ACP2: variants seen among roughly 807,000 people sequenced by gnomAD.
ACP2 encodes the protein lysosomal acid phosphatase.
In ACP2, 35 loss-of-function variants were observed where a neutral mutation model predicts 54.7. The observed-to-expected ratio is 0.64, with a 90% confidence interval of 0.49 to 0.85. The LOEUF is 0.85. Among genes scored for constraint, ACP2 ranks in the 40% least tolerant of loss-of-function variants. ACP2 has a pLI of 0.00. For synonymous variants in ACP2, 210 were observed against 224.4 expected (o/e 0.94, Z 0.57); for missense variants, 492 against 565.0 (o/e 0.87, Z 1.31).
Position 47,243,304 on chromosome 11 carries a change from T to C in ACP2, c.790A>G (p.Ile264Val), listed in dbSNP as rs1307825272. 8.7e-6 allele frequency: 14 copies of C among 1,614,194 alleles called. No individual in the cohort carries two copies. The South Asian group carries it at 1.4e-4, about 16-fold the overall frequency. The change falls in exon 8 of 11, where the codon ATA becomes GTA. Residue 264 changes from isoleucine to valine, a missense_variant. Transcript: ENST00000672073. ...RLQGGVLLAQ[I>V]RKNLTLMATT... ...GCCATTAGGGTCAGGTTCTTCCTTA[T>C]CTGAGCCAGCAGGACTCCTGAAGGA...
Position 47,240,096 on chromosome 11 carries a change from G to A in ACP2, c.*20C>T, listed in dbSNP as rs371182236. On this transcript the variant is annotated 3_prime_UTR_variant, in exon 11 of 11. Transcript: ENST00000672073. ...AGCCCACCTCCCCTAGGAGGTGGAG[G>A]GAAGGGGGCTGAGTGGTTGTCAGGC... The A allele has an allele frequency of 6.2e-7, 1 of 1,609,544 alleles. No individual in the cohort carries two copies. Among genetic ancestry groups the A allele is most frequent in the Admixed American group, 1.7e-5 (1 of 59,634 alleles).
At chr11:47,247,751 G>T (rs751247528) in intron 2 of ACP2, 24 bp from the exon 3 acceptor site, 1 of 1,607,198 alleles carries the variant, frequency 6.2e-7, no homozygotes, top group Middle Eastern at 2.0e-4. Context: ...CAAGGGTTAA[G>T]AGGGTCTAGA....
chr11:47,240,219 G>C lies in ACP2; in HGVS notation c.1169C>G (p.Ser390Cys), dbSNP rs1368311638. Residue 390 changes from serine (S) to cysteine (C), a missense_variant, in exon 11 of 11, where the codon TCC (serine) becomes TGC (cysteine). By Grantham distance (112) the Ser-to-Cys change is moderately radical (BLOSUM62 -1). Transcript: ENST00000672073. ...CAGCACTATGAGGAGGAAGAGGATGGAGCCACATACAGCCAAGGCCACAAT... is the reference window on the plus strand; with the variant it reads ...CAGCACTATGAGGAGGAAGAGGATGCAGCCACATACAGCCAAGGCCACAAT... Reference protein sequence around the residue: ...EVIVALAVCGSILFLLIVLLL... With the variant: ...EVIVALAVCGCILFLLIVLLL... The C allele has an allele frequency of 6.2e-7, 1 of 1,600,836 alleles. No homozygotes were observed. The highest frequency in any genetic ancestry group is 1.1e-5 in the South Asian group (1 of 90,838).
At chr11:47,240,384 G>C (rs1953840911) in intron 10 of ACP2, 135 bp from the exon 11 acceptor site, 4 of 591,666 alleles carry the variant, frequency 6.8e-6, no homozygotes, top group Non-Finnish European at 1.2e-5. Flanking sequence ...TTCTAGGAGA[G>C]GGGATGTAAT....
chr11:47,239,472 A>C lies in ACP2; in HGVS notation c.*644T>G. 6.1e-6 allele frequency: 1 copy of C among 162,964 alleles called. No homozygotes were observed. The allele number at this position is 162,964 out of a possible 1,614,324, so 10.1% of individuals were successfully genotyped here. A position where few individuals can be genotyped will look rare whatever the true frequency, so the allele number is the denominator to read the frequency against. On this transcript the variant is annotated 3_prime_UTR_variant, in exon 11 of 11. Coordinates refer to ENST00000672073, the MANE Select transcript of ACP2 (RefSeq NM_001610.4). ...AGTTTCCTGATTCGTGTGACAAGCA[A>C]CTCCCTTCCCACCACTCCCTACTCC...
Position 47,243,136 on chromosome 11 carries a change from A to T in ACP2, c.856-12T>A, listed in dbSNP as rs774260002. 6.2e-7 allele frequency: 1 copy of T among 1,613,768 alleles called. No individual in the cohort carries two copies. The highest frequency in any genetic ancestry group is 8.5e-7 in the Non-Finnish European group (1 of 1,179,706). On this transcript the variant is annotated splice_polypyrimidine_tract_variant and intron_variant, in intron 8 of 10. Transcript: ENST00000672073. ...AGGGTAGTGTCGTGCTGCGGGGGAG[A>T]GGGGCTGCCCGTCAGCATTGTTCCC...
rs556368994 is a variant in ACP2, at chr11:47,240,858, C to T, written c.1139-609G>A. Among the ~76,000 whole-genome samples the T allele has an allele frequency of 8.0e-5, 12 of 150,790 alleles. No homozygotes were observed. The South Asian group carries it at 1.9e-3, about 24-fold the overall frequency. On this transcript the variant is annotated intron_variant, in intron 10 of 10. Coordinates refer to ENST00000672073, the MANE Select transcript of ACP2 (RefSeq NM_001610.4). ...AAAATTAGGAGTGACAGGTCAGTGA[C>T]GAATGTGATACAGAGAGACAAAGCA...
intron 6 of ACP2, 156 bp from the exon 7 acceptor site, chr11:47,245,023 G>T: frequency 1.5e-6 from 2 of 1,362,910 alleles, no homozygotes; most frequent in Non-Finnish European, 2.0e-6. Context: ...AGGCGGTGTG[G>T]ATGCTTCAGG....
intron 1 of ACP2, 65 bp downstream of exon 1, chr11:47,248,611 C>A: frequency 6.4e-7 from 1 of 1,560,930 alleles, no homozygotes; most frequent in East Asian, 2.4e-5. Context: ...GATCCTCGAC[C>A]TCCACCAGCT....
chr11:47,245,548 A>T lies in ACP2; in HGVS notation c.475T>A (p.Cys159Ser), dbSNP rs942975772. 8 of 1,614,088 alleles carry T rather than the reference A, an allele frequency of 5.0e-6. No individual in the cohort carries two copies. In the African/African-American group the frequency reaches 9.3e-5, roughly 19 times the overall value. The change falls in exon 5 of 11, where the codon TGT (cysteine) becomes AGT (serine). Residue 159 changes from cysteine to serine, a missense_variant. Cys to Ser is a moderately radical substitution (Grantham distance 112, BLOSUM62 -1). Coordinates refer to ENST00000672073, the MANE Select transcript of ACP2 (RefSeq NM_001610.4). ...DRLLKFPLGPCPRYEQLQNET... is the reference protein window; with the variant it reads ...DRLLKFPLGPSPRYEQLQNET... Reference sequence around the variant, plus strand: ...TTCTGCAGCTGCTCATAACGGGGACATGGGCCCAACGGGAACTTCAGCAGC... The same window carrying T: ...TTCTGCAGCTGCTCATAACGGGGACTTGGGCCCAACGGGAACTTCAGCAGC...
Position 47,244,760 on chromosome 11 carries a change from C to T in ACP2, c.747G>A (p.Gln249=). Residue 249 remains glutamine (Q), a synonymous_variant, in exon 7 of 11, where the codon CAG becomes CAA. Coordinates refer to ENST00000672073, the MANE Select transcript of ACP2 (RefSeq NM_001610.4). ...CCCCCTGAAGCCGGGCCTTCTCCGCCTGCTGGTAGATTCCGAAGAGGAAGC... is the reference window on the plus strand; with the variant it reads ...CCCCCTGAAGCCGGGCCTTCTCCGCTTGCTGGTAGATTCCGAAGAGGAAGC... ...SFRFLFGIYQ[Q]AEKARLQGGV... is the part of the protein sequence containing the mutation. 6.2e-7 allele frequency: 1 copy of T among 1,610,954 alleles called. No homozygotes were observed. The highest frequency in any genetic ancestry group is 1.7e-4 in the Middle Eastern group (1 of 6,050).
rs753530705 is a variant in ACP2, at chr11:47,248,780, T to C, written c.10A>G (p.Lys4Glu). Residue 4 changes from lysine to glutamate, a missense_variant, in exon 1 of 11, where the codon AAG (lysine) becomes GAG (glutamate). Physicochemically the swap from Lys to Glu is moderately conservative, Grantham distance 56 (BLOSUM62 1). Transcript: ENST00000672073. MAG[K>E]RSGWSRAALL... ...GCCGCCCGGCTCCAGCCGGACCGCT[T>C]GCCCGCCATCACCGTTGTAATCTAT... 23 of 1,595,850 alleles carry C rather than the reference T, an allele frequency of 1.4e-5. No homozygotes were observed. The African/African-American group carries it at 2.3e-4, about 16-fold the overall frequency.
chr11:47,247,391 A>C (rs1428114363), intron 3 of ACP2: 3 of 569,718 alleles, frequency 5.3e-6, no homozygotes, highest in Non-Finnish European at 9.4e-6. Flanking sequence ...ACAGTCAGAA[A>C]CCACTTTGCC....
At chr11:47,242,472 T>C (rs1953908223) in intron 10 of ACP2, among the ~76,000 whole-genome samples, 1 of 151,286 alleles carries the variant, frequency 6.6e-6, no homozygotes, top group South Asian at 2.1e-4. Flanking sequence ...AGCGGTGGCT[T>C]CCCCCAGGAA....
Position 47,248,714 on chromosome 11 carries a change from G to T in ACP2, c.76C>A (p.Pro26Thr). 2 of 1,611,654 alleles carry T rather than the reference G, an allele frequency of 1.2e-6. No individual in the cohort carries two copies. The highest frequency in any genetic ancestry group is 1.7e-6 in the Non-Finnish European group (2 of 1,179,108). ...CGCAGACTCCGGGCCCGGGTGGGCG[G>T]CATCACCACCAGGTTCACGCCGAGA... ...LLLGVNLVVM[P>T]PTRARSLRFV... Residue 26 changes from proline to threonine, a missense_variant, in exon 1 of 11, where the codon CCG becomes ACG. Transcript: ENST00000672073.
At chr11:47,246,887 T>A (rs576002392) in intron 3 of ACP2, among the ~76,000 whole-genome samples, 13 of 151,282 alleles carry the variant, frequency 8.6e-5, no homozygotes, top group Admixed American at 5.3e-4. Context: ...AAAAAAAAAA[T>A]TTTTTTTGAA....
At chr11:47,243,205 C>G (rs1953940372) in intron 8 of ACP2, 34 bp downstream of exon 8, 1 of 1,613,558 alleles carries the variant, frequency 6.2e-7, no homozygotes, top group Non-Finnish European at 8.5e-7. Flanking sequence ...AGCTCCTTGC[C>G]TGACACAGCA....
At chr11:47,243,508 A>G (rs1484388299) in intron 7 of ACP2, among the ~76,000 whole-genome samples, 187 bp from the exon 8 acceptor site, 1 of 152,246 alleles carries the variant, frequency 6.6e-6, no homozygotes, top group African/African-American at 2.4e-5. Context: ...TCAAATGTAC[A>G]GAAGGAAGCA....
At chr11:47,247,545 A>G in intron 3 of ACP2, 96 bp downstream of exon 3, 1 of 1,377,718 alleles carries the variant, frequency 7.3e-7, no homozygotes, top group Non-Finnish European at 1.0e-6. Flanking sequence ...TACAAGAAGG[A>G]GGCCAAAGTG....
Sources: allele counts gnomAD v4.1 joint callset (sites outside exome capture counted in the v4.1 genomes callset), GRCh38; gene constraint gnomAD v4.1.1; transcripts MANE v1.5; gene names NCBI Gene and HGNC (gene_info 2026-07-23, HGNC 2026-07-21).